The following RAP1GDS1 variants were observed in gnomAD, a reference collection of about 807,000 sequenced individuals.
The protein encoded by RAP1GDS1 is Rap1 GTPase-GDP dissociation stimulator 1.
RAP1GDS1 carries 35 observed loss-of-function variants against 71.1 expected under a neutral mutation model. That is an observed-to-expected ratio of 0.49 (90% CI 0.38 to 0.65). The LOEUF is 0.65. RAP1GDS1 is among the 30% of genes least tolerant of loss of function. RAP1GDS1 has a pLI of 0.00. For missense variants in RAP1GDS1, 663 were observed against 706.1 expected, an observed-to-expected ratio of 0.94 and a Z score of 0.69; for synonymous variants, 229 against 243.1, an observed-to-expected ratio of 0.94 and a Z score of 0.54.
At chr4:98,419,222 AT>A (rs879834115) in intron 10 of RAP1GDS1, among the ~76,000 whole-genome samples, 138 of 145,576 alleles carry the variant, frequency 9.5e-4, no homozygotes, top group Middle Eastern at 3.5e-3. Flanking sequence ...TGCCCAGCTG[AT>A]TTTTTTTTTT....
intron 4 of RAP1GDS1, among the ~76,000 whole-genome samples, chr4:98,358,635 G>C: frequency 6.6e-6 from 1 of 151,988 alleles, no homozygotes; most frequent in African/African-American, 2.4e-5. Flanking sequence ...CAGTTTGATG[G>C]AAACCTGACT....
chr4:98,305,445 T>A (rs1729178175), intron 2 of RAP1GDS1, among the ~76,000 whole-genome samples: 1 of 152,170 alleles, frequency 6.6e-6, no homozygotes, highest in Non-Finnish European at 1.5e-5. Flanking sequence ...ATATAGGGTC[T>A]AAAATATGTC....
At position 98,285,966 on chromosome 4, in the gene RAP1GDS1, T is replaced by C. The variant is rs898506093; in HGVS notation, c.5-7442T>C. ...ATTTATTATAATAATGGGCACATTT[T>C]ATTAAGATTATTGCCATGGCTGGGC... On this transcript the variant is annotated intron_variant, in intron 1 of 14. Coordinates refer to ENST00000408927, the MANE Select transcript of RAP1GDS1 (RefSeq NM_001100427.2). Among the ~76,000 whole-genome samples the C allele has an allele frequency of 5.3e-5, 8 of 149,754 alleles. 1 individual carries two copies. The highest frequency in any genetic ancestry group is 1.9e-4 in the African/African-American group (8 of 41,150).
chr4:98,283,449 T>C (rs1725481935), intron 1 of RAP1GDS1, among the ~76,000 whole-genome samples: 1 of 152,134 alleles, frequency 6.6e-6, no homozygotes, highest in South Asian at 2.1e-4. Context: ...GACTACCATA[T>C]TAGGCATTAT....
intron 1 of RAP1GDS1, among the ~76,000 whole-genome samples, chr4:98,270,948 C>T (rs141289412): frequency 7.2e-5 from 11 of 152,094 alleles, no homozygotes; most frequent in Admixed American, 6.6e-4. Flanking sequence ...TCTAGCTTAC[C>T]TTATTGTAAC....
intron 4 of RAP1GDS1, among the ~76,000 whole-genome samples, chr4:98,358,260 G>C (rs1324782653): frequency 6.6e-6 from 1 of 151,962 alleles, no homozygotes; most frequent in Non-Finnish European, 1.5e-5. Flanking sequence ...ATATTTACTG[G>C]CATTATAGTG....
At chr4:98,370,342 A>G (rs1450271062) in intron 4 of RAP1GDS1, among the ~76,000 whole-genome samples, 2 of 152,188 alleles carry the variant, frequency 1.3e-5, no homozygotes, top group East Asian at 3.9e-4. Flanking sequence ...TAAGTGAACT[A>G]GAGAAAACAT....
intron 5 of RAP1GDS1, among the ~76,000 whole-genome samples, chr4:98,384,477 TAAA>T (rs1742449772): frequency 6.6e-6 from 1 of 151,760 alleles, no homozygotes; most frequent in African/African-American, 2.4e-5. Context: ...AGTGTTATTT[TAAA>T]CAAATTGTTT....
chr4:98,423,027 C>G (rs1413704270), intron 12 of RAP1GDS1, among the ~76,000 whole-genome samples: 2 of 152,212 alleles, frequency 1.3e-5, no homozygotes, highest in African/African-American at 4.8e-5. Flanking sequence ...TGAGTTCTTG[C>G]AGTGTAAATA....
chr4:98,305,310 A>G (rs917665773), intron 2 of RAP1GDS1, among the ~76,000 whole-genome samples: 1 of 152,122 alleles, frequency 6.6e-6, no homozygotes, highest in Non-Finnish European at 1.5e-5. Flanking sequence ...TGAGCATGCA[A>G]TGTTTTTCCA....
chr4:98,298,068 G>A (rs1215756479), intron 2 of RAP1GDS1, among the ~76,000 whole-genome samples: 1 of 152,158 alleles, frequency 6.6e-6, no homozygotes, highest in Non-Finnish European at 1.5e-5. Flanking sequence ...ACATTCCCAT[G>A]TCCTAATCCA....
intron 1 of RAP1GDS1, among the ~76,000 whole-genome samples, chr4:98,271,321 A>G (rs1244554849): frequency 6.6e-6 from 1 of 152,180 alleles, no homozygotes; most frequent in Non-Finnish European, 1.5e-5. Context: ...CTCATTTTAT[A>G]ATTTTTAATA....
chr4:98,402,874 T>C (rs935104175), intron 6 of RAP1GDS1, among the ~76,000 whole-genome samples: 4 of 152,234 alleles, frequency 2.6e-5, no homozygotes, highest in Non-Finnish European at 5.9e-5. Flanking sequence ...AAGGAGCTTA[T>C]AGTTTAGTGT....
In RAP1GDS1 at chr4:98,375,289, T is replaced by C. The variant is rs535503568; in HGVS notation, c.362-3728T>C. Among the ~76,000 whole-genome samples the C allele has an allele frequency of 2.6e-5, 4 of 152,250 alleles. No individual in the cohort carries two copies. In the South Asian group the frequency reaches 8.3e-4, roughly 32 times the overall value. ...TCCTCTGTGCATCCCCCTCCTCTTA[T>C]AAGGATACAAGTCATATTGGATTAA... On this transcript the variant is annotated intron_variant, in intron 4 of 14. Transcript: ENST00000408927.
chr4:98,409,682 C>A, intron 7 of RAP1GDS1: 4 of 396,226 alleles, frequency 1.0e-5, no homozygotes, highest in South Asian at 4.7e-5. Flanking sequence ...CAGTCTGTTC[C>A]ACCTAGAGAA....
At chr4:98,415,900 AAC>A (rs1022675807) in intron 7 of RAP1GDS1, among the ~76,000 whole-genome samples, 4 of 152,182 alleles carry the variant, frequency 2.6e-5, no homozygotes, top group African/African-American at 9.7e-5. Context: ...CCTTTTTAAA[AAC>A]ACGACTTTAT....
chr4:98,371,792 A>T (rs775843126), intron 4 of RAP1GDS1, among the ~76,000 whole-genome samples: 1 of 152,102 alleles, frequency 6.6e-6, no homozygotes, highest in Non-Finnish European at 1.5e-5. Context: ...TATGTCTGAC[A>T]ATGTAGACAC....
chr4:98,313,212 A>G (rs1025087338), intron 2 of RAP1GDS1, among the ~76,000 whole-genome samples: 1 of 151,632 alleles, frequency 6.6e-6, no homozygotes, highest in East Asian at 1.9e-4. Context: ...ACTGTCTGTT[A>G]GCAGAATTTC....
At chr4:98,323,885 C>T (rs1732441415) in intron 2 of RAP1GDS1, among the ~76,000 whole-genome samples, 1 of 142,944 alleles carries the variant, frequency 7.0e-6, no homozygotes, top group South Asian at 2.3e-4. Context: ...CCCTCTCTCA[C>T]CACTCCTATT....
Sources: allele counts gnomAD v4.1 joint callset (sites outside exome capture counted in the v4.1 genomes callset), GRCh38; gene constraint gnomAD v4.1.1; transcripts MANE v1.5; gene names NCBI Gene and HGNC (gene_info 2026-07-23, HGNC 2026-07-21).